The following CASP9 variants were observed in gnomAD, a reference collection of about 807,000 sequenced individuals.
The protein encoded by CASP9 is caspase 9.
A neutral mutation model predicts 43.5 loss-of-function variants in CASP9; 29 were observed. That is an observed-to-expected ratio of 0.67 (90% CI 0.50 to 0.91). The LOEUF (loss-of-function observed/expected upper bound fraction) is 0.91, where lower values mean the gene tolerates loss of function less well. Ranked by LOEUF, CASP9 falls within the 40% of genes least tolerant of loss-of-function variation. The pLI, the probability that CASP9 is intolerant of heterozygous loss-of-function variation, is 0.00. For missense variants in CASP9, 575 were observed against 537.4 expected, an observed-to-expected ratio of 1.07 and a Z score of -0.69; for synonymous variants, 206 against 211.9, an observed-to-expected ratio of 0.97 and a Z score of 0.24.
At chr1:15,524,235 G>A (rs1490986612), upstream of CASP9, 10 of 1,527,822 alleles carry the variant, frequency 6.5e-6, no homozygotes, top group South Asian at 1.2e-5. Context: ...GGCCGCCTCA[G>A]TCCGCTTCCG....
chr1:15,524,387 T>A (rs1710359635), upstream of CASP9: 8 of 1,349,096 alleles, frequency 5.9e-6, no homozygotes, highest in Non-Finnish European at 7.5e-6. Context: ...GAGTCGCTCT[T>A]GCGTCACCGC....
At chr1:15,521,526 A>G (rs572026748) in intron 1 of CASP9, among the ~76,000 whole-genome samples, 18 of 152,270 alleles carry the variant, frequency 1.2e-4, no homozygotes, top group African/African-American at 2.9e-4. Flanking sequence ...AAAGTCTTTG[A>G]TCTTTCTTAT....
rs1435611223 is a variant in CASP9, at chr1:15,495,261, T to C, written c.1048+12A>G. The stretch of plus-strand genomic sequence containing the variant: ...CACTGGCTGCGAGGACGAGCCCTTC[T>C]GATGTGCTCACCTGGGAAAGTAGAG... On this transcript the variant is annotated intron_variant, in intron 7 of 8. Transcript: ENST00000333868. 1 of 1,607,264 alleles carries C rather than the reference T, an allele frequency of 6.2e-7. No individual in the cohort carries two copies. The highest frequency in any genetic ancestry group is 1.3e-5 in the African/African-American group (1 of 74,534).
In CASP9 at chr1:15,515,373, C is replaced by A. The variant is rs80200735; in HGVS notation, c.418+2737G>T. On this transcript the variant is annotated intron_variant, in intron 2 of 8. Transcript: ENST00000333868. The stretch of plus-strand genomic sequence containing the variant: ...GGATTGCCCAAAAATCACCATTATG[C>A]AGCAAGTACTCAATAATGTTCACCA... Among the ~76,000 whole-genome samples the A allele has an allele frequency of 9.2e-3, 1,405 of 152,328 alleles. 12 individuals are homozygous for A. The highest frequency in any genetic ancestry group is 0.015 in the Non-Finnish European group (1,035 of 68,032).
chr1:15,519,066 CAG>C (rs1223239906), intron 1 of CASP9, among the ~76,000 whole-genome samples: 4 of 151,194 alleles, frequency 2.6e-5, no homozygotes, highest in African/African-American at 7.3e-5. Context: ...TTAGTAGAAA[CAG>C]GGTTTCACCA....
At chr1:15,498,983 C>T (rs1214278015) in intron 6 of CASP9, among the ~76,000 whole-genome samples, 2 of 151,836 alleles carry the variant, frequency 1.3e-5, no homozygotes, top group Non-Finnish European at 2.9e-5. Flanking sequence ...GTGATCTGCC[C>T]GCCTCAGCCT....
At chr1:15,505,890 C>A in intron 5 of CASP9, 100 bp downstream of exon 5, 1 of 959,528 alleles carries the variant, frequency 1.0e-6, no homozygotes, top group Non-Finnish European at 1.7e-6. Flanking sequence ...TCCACAAAGC[C>A]AAGGGTGTTT....
chr1:15,508,694 T>C (rs10754893), intron 2 of CASP9, among the ~76,000 whole-genome samples: 89,198 of 152,020 alleles, frequency 0.59, 26,837 homozygotes, highest in African/African-American at 0.71. Flanking sequence ...AGATTACAGG[T>C]GTGAGCCACT....
At chr1:15,506,285 C>G (rs1423660362) in intron 4 of CASP9, among the ~76,000 whole-genome samples, 1 of 114,092 alleles carries the variant, frequency 8.8e-6, no homozygotes, top group East Asian at 2.7e-4. Flanking sequence ...CCCGTCTCTA[C>G]TAAAAATACA....
At chr1:15,517,185 C>A (rs948047060) in intron 2 of CASP9, among the ~76,000 whole-genome samples, 6 of 152,080 alleles carry the variant, frequency 3.9e-5, no homozygotes, top group Non-Finnish European at 7.3e-5. Flanking sequence ...CCCACATGTC[C>A]ATCAGTAGGA....
chr1:15,501,814 C>A (rs1709342342), intron 6 of CASP9, among the ~76,000 whole-genome samples: 1 of 151,960 alleles, frequency 6.6e-6, no homozygotes. Context: ...CTCTGTCACT[C>A]AGGCCGGAGT....
chr1:15,524,064 C>CGGGGGGA lies in CASP9; in HGVS notation c.132+4_132+5insTCCCCCC. 6.7e-7 allele frequency: 1 copy of CGGGGGGA among 1,495,364 alleles called. No homozygotes were observed. Among genetic ancestry groups the CGGGGGGA allele is most frequent in the Non-Finnish European group, 8.9e-7 (1 of 1,124,800 alleles). 92.6% of individuals were successfully genotyped at this position (1,495,364 alleles called of 1,614,324 possible). A position where few individuals can be genotyped will look rare whatever the true frequency, so the allele number is the denominator to read the frequency against. On this transcript the variant is annotated splice_donor_region_variant and intron_variant, in intron 1 of 8. Transcript: ENST00000333868. Reference sequence around the variant, plus strand: ...CAGCGCGGGGACAGGGGGCCGGGGGCGCACCTGGATGTCCTCGATCATATG... The same window carrying CGGGGGGA: ...CAGCGCGGGGACAGGGGGCCGGGGGCGGGGGGAGCACCTGGATGTCCTCGATCATATG...
chr1:15,507,815 G>A (rs1709583224), intron 3 of CASP9, 58 bp downstream of exon 3: 2 of 1,544,986 alleles, frequency 1.3e-6, no homozygotes, highest in Non-Finnish European at 1.8e-6. Context: ...GGACCTGAGG[G>A]GTGGGGAGGG....
intron 6 of CASP9, among the ~76,000 whole-genome samples, chr1:15,502,668 G>A (rs749384761): frequency 2.6e-5 from 4 of 152,186 alleles, no homozygotes; most frequent in Non-Finnish European, 4.4e-5. Context: ...AGATATTCAC[G>A]TGACAAAGGC....
intron 6 of CASP9, among the ~76,000 whole-genome samples, chr1:15,503,768 C>G (rs1709415134): frequency 6.6e-6 from 1 of 152,162 alleles, no homozygotes; most frequent in Non-Finnish European, 1.5e-5. Context: ...GCAGATCAGG[C>G]TGGAGGCAAG....
intron 4 of CASP9, among the ~76,000 whole-genome samples, 171 bp downstream of exon 4, chr1:15,506,728 C>T (rs1000025870): frequency 6.6e-6 from 1 of 152,196 alleles, no homozygotes; most frequent in Non-Finnish European, 1.5e-5. Context: ...TCCTCAAACC[C>T]GGACTTCTGC....
chr1:15,505,304 T>C (rs1709476462), intron 5 of CASP9, among the ~76,000 whole-genome samples: 1 of 152,048 alleles, frequency 6.6e-6, no homozygotes, highest in Non-Finnish European at 1.5e-5. Context: ...CTAGGGACCA[T>C]ATTATGAGAG....
chr1:15,518,441 T>C (rs760478753), intron 1 of CASP9, 46 bp from the exon 2 acceptor site: 4 of 1,573,946 alleles, frequency 2.5e-6, no homozygotes, highest in African/African-American at 2.7e-5. Context: ...CGTACTTTTA[T>C]ATGGCTCTCA....
intron 6 of CASP9, among the ~76,000 whole-genome samples, chr1:15,500,163 G>GA (rs1005026981): frequency 2.7e-5 from 4 of 150,772 alleles, no homozygotes; most frequent in South Asian, 4.2e-4. Flanking sequence ...ACATACTGCA[G>GA]AAAAAAAAAG....
Sources: gnomAD v4.1 joint callset for allele counts (sites outside exome capture counted in the v4.1 genomes callset) on GRCh38, gnomAD v4.1.1 for gene constraint, MANE v1.5 for transcripts, NCBI Gene and HGNC (gene_info 2026-07-23, HGNC 2026-07-21) for gene names.